SLITRK3: variants seen among roughly 807,000 people sequenced by gnomAD.
SLITRK3 encodes SLIT and NTRK like family member 3.
Under a neutral mutation model 63.6 loss-of-function variants are expected in SLITRK3, and 16 were observed. The ratio of observed to expected loss-of-function variants is 0.25; its 90% CI spans 0.17 to 0.38. SLITRK3 has a LOEUF of 0.38. Among genes scored for constraint, SLITRK3 ranks in the 10% least tolerant of loss-of-function variants. SLITRK3 has a pLI of 1.00. For synonymous variants in SLITRK3, 547 were observed against 451.6 expected (o/e 1.21, Z -2.68); for missense variants, 1,117 against 1,181.4 (o/e 0.95, Z 0.80).
intron 1 of SLITRK3, 93 bp from the exon 2 acceptor site, chr3:165,190,944 A>T: frequency 1.1e-6 from 1 of 895,378 alleles, no homozygotes. Context: ...AGAGCTATAT[A>T]AAAACTTCAG....
chr3:165,188,887 C>T lies in SLITRK3; in HGVS notation c.1944G>A (p.Gly648=). 6.2e-7 allele frequency: 1 copy of T among 1,614,114 alleles called. No homozygotes were observed. The change falls in exon 2 of 2, where the codon GGG becomes GGA. Residue 648 remains glycine (G), a synonymous_variant. Transcript: ENST00000475390. ...SASPYEFSPP[G]GPVPLSVLIL... ...TTAACACAGAAAGTGGCACAGGGCCCCCAGGAGGAGAAAACTCATAAGGTG... is the reference window on the plus strand; with the variant it reads ...TTAACACAGAAAGTGGCACAGGGCCTCCAGGAGGAGAAAACTCATAAGGTG...
Position 165,190,464 on chromosome 3 carries a change from C to G in SLITRK3, c.367G>C (p.Gly123Arg). The change falls in exon 2 of 2, where the codon GGT becomes CGT. Residue 123 changes from glycine to arginine, a missense_variant. Physicochemically the swap from Gly to Arg is moderately radical, Grantham distance 125 (BLOSUM62 -2). Around this residue, in one of 4 missense-constraint regions of SLITRK3, gnomAD observed 452 missense variants for 495.3 expected, o/e 0.91. Coordinates refer to ENST00000475390, the MANE Select transcript of SLITRK3 (RefSeq NM_001318810.2). Reference protein sequence around the residue: ...LQDIQTGAFNGLKILKRLYLH... With the variant: ...LQDIQTGAFNRLKILKRLYLH... ...TATAGTCTCTTTAAAATCTTAAGACCATTGAAAGCTCCAGTCTGAATGTCC... is the reference window on the plus strand; with the variant it reads ...TATAGTCTCTTTAAAATCTTAAGACGATTGAAAGCTCCAGTCTGAATGTCC... The G allele has an allele frequency of 6.2e-7, 1 of 1,613,826 alleles. No individual in the cohort carries two copies. The highest frequency in any genetic ancestry group is 8.5e-7 in the Non-Finnish European group (1 of 1,179,968).
chr3:165,194,527 G>C (rs947945662), intron 1 of SLITRK3, among the ~76,000 whole-genome samples: 2 of 152,006 alleles, frequency 1.3e-5, no homozygotes, highest in African/African-American at 4.8e-5. Flanking sequence ...TGCTCCCATA[G>C]GTCTTAGCCA....
Position 165,190,393 on chromosome 3 carries a change from A to T in SLITRK3, c.438T>A (p.Leu146=). ...GCAGATATTCTAGACTTTCCAAGCC[A>T]AGGAAGGTGTCATTTCTGAAGACAT... The part of the protein sequence containing the change: ...KLDVFRNDTF[L]GLESLEYLQA... Residue 146 remains leucine (L), a synonymous_variant, in exon 2 of 2, where the codon CTT becomes CTA. Transcript: ENST00000475390. The T allele has an allele frequency of 6.2e-7, 1 of 1,614,068 alleles. No homozygotes were observed. The highest frequency in any genetic ancestry group is 8.5e-7 in the Non-Finnish European group (1 of 1,179,988).
At chr3:165,194,518 G>T (rs1405155024) in intron 1 of SLITRK3, among the ~76,000 whole-genome samples, 1 of 152,056 alleles carries the variant, frequency 6.6e-6, no homozygotes, top group Non-Finnish European at 1.5e-5. Context: ...TCACCCTATT[G>T]CTCCCATAGG....
chr3:165,188,189 C>T lies in SLITRK3; in HGVS notation c.2642G>A (p.Gly881Asp), dbSNP rs1718032297. Residue 881 changes from glycine to aspartate, a missense_variant, in exon 2 of 2, where the codon GGC becomes GAC. By Grantham distance (94) the Gly-to-Asp change is moderately conservative. Around this residue, in one of 4 missense-constraint regions of SLITRK3, gnomAD observed 499 missense variants for 463.6 expected, o/e 1.08. Transcript: ENST00000475390. The part of the protein sequence containing the change: ...LFPPGGGCGS[G>D]SMLLDRERPQ... ...CCTCTCTCGATCTAGTAGCATACTG[C>T]CACTACCACAGCCTCCCCCAGGAGG... 5.0e-6 allele frequency: 8 copies of T among 1,613,756 alleles called. No homozygotes were observed. The highest frequency in any genetic ancestry group is 1.7e-5 in the Admixed American group (1 of 59,968).
rs966852870 is a variant in SLITRK3 at position 165,187,050 on chromosome 3, C to T, written c.*847G>A. ...GTCTTCGGCTGTTAAACCACCAGGC[C>T]TCTACTTCAGTAGAATCCAGCCTAG... On this transcript the variant is annotated 3_prime_UTR_variant, in exon 2 of 2. Coordinates refer to ENST00000475390, the MANE Select transcript of SLITRK3 (RefSeq NM_001318810.2). 6.6e-6 allele frequency: 1 copy of T among 152,480 alleles called. No individual in the cohort carries two copies. The highest frequency in any genetic ancestry group is 6.5e-5 in the Admixed American group (1 of 15,268). 9.4% of individuals were successfully genotyped at this position (152,480 alleles called of 1,614,324 possible). A position where few individuals can be genotyped will look rare whatever the true frequency, so the allele number is the denominator to read the frequency against.
In SLITRK3 at chr3:165,188,657, G is replaced by T. The variant is rs752652501; in HGVS notation, c.2174C>A (p.Pro725Gln). Reference protein sequence around the residue: ...GGGGSGGGGRPTLSSPEKAPP... With the variant: ...GGGGSGGGGRQTLSSPEKAPP... The stretch of plus-strand genomic sequence containing the variant: ...GGCCTTCTCTGGAGAGGAAAGAGTT[G>T]GTCGACCACCACCCCCACTTCCGCC... Residue 725 changes from proline to glutamine, a missense_variant, in exon 2 of 2, where the codon CCA (proline) becomes CAA (glutamine). Pro to Gln is a moderately conservative substitution (Grantham distance 76). Transcript: ENST00000475390. 2 of 1,613,564 alleles carry T rather than the reference G, an allele frequency of 1.2e-6. No individual in the cohort carries two copies. The highest frequency in any genetic ancestry group is 2.2e-5 in the South Asian group (2 of 91,004).
At position 165,188,982 on chromosome 3, in the gene SLITRK3, C is replaced by G; in HGVS notation, c.1849G>C (p.Val617Leu). Residue 617 changes from valine to leucine, a missense_variant, in exon 2 of 2, where the codon GTT becomes CTT. Transcript: ENST00000475390. Reference protein sequence around the residue: ...LEVLCPEMLHVAPAGESPAQP... With the variant: ...LEVLCPEMLHLAPAGESPAQP... ...GCTGGGGATTCTCCAGCTGGTGCAA[C>G]GTGCAGCATCTCTGGGCAAAGAACT... 6.2e-7 allele frequency: 1 copy of G among 1,614,180 alleles called. No homozygotes were observed. The highest frequency in any genetic ancestry group is 1.1e-5 in the South Asian group (1 of 91,084).
In SLITRK3 at chr3:165,188,285, A is replaced by C. The variant is rs188947707; in HGVS notation, c.2546T>G (p.Val849Gly). 1.9e-6 allele frequency: 3 copies of C among 1,613,250 alleles called. No individual in the cohort carries two copies. The highest frequency in any genetic ancestry group is 4.5e-5 in the East Asian group (2 of 44,806). ...HHPAVGGVSG[V>G]VGGTGGDLAG... ...CAAGTCTCCCCCAGTTCCCCCAACT[A>C]CTCCTGAAACCCCACCAACTGCTGG... The change falls in exon 2 of 2, where the codon GTA (valine) becomes GGA (glycine). Residue 849 changes from valine (V) to glycine (G), a missense_variant. This residue lies in a region of SLITRK3 where 499 missense variants were observed against 463.6 expected (regional missense o/e 1.08). Coordinates refer to ENST00000475390, the MANE Select transcript of SLITRK3 (RefSeq NM_001318810.2).
rs1718411215 is a variant in SLITRK3 at position 165,196,239 on chromosome 3, C to T, written c.-681G>A. On this transcript the variant is annotated 5_prime_UTR_variant, in exon 1 of 2. Coordinates refer to ENST00000475390, the MANE Select transcript of SLITRK3 (RefSeq NM_001318810.2). ...ATCTCAGATCCCAGCATTGGTCAGA[C>T]GGCGAAGGTGGGGGGAAAGAAGGAG... Among the ~76,000 whole-genome samples, 1 of 146,214 alleles carries T rather than the reference C, an allele frequency of 6.8e-6. No individual in the cohort carries two copies. The highest frequency in any genetic ancestry group is 2.6e-5 in the African/African-American group (1 of 39,014).
chr3:165,195,974 C>T lies in SLITRK3; in HGVS notation c.-416G>A, dbSNP rs997273219. 2.0e-5 allele frequency: 3 copies of T among 152,620 alleles called. No individual in the cohort carries two copies. Among genetic ancestry groups the T allele is most frequent in the Non-Finnish European group, 4.4e-5 (3 of 68,088 alleles). 9.5% of individuals were successfully genotyped at this position (152,620 alleles called of 1,614,324 possible). A position where few individuals can be genotyped will look rare whatever the true frequency, so the allele number is the denominator to read the frequency against. On this transcript the variant is annotated 5_prime_UTR_variant, in exon 1 of 2. Transcript: ENST00000475390. ...GGATCAGTGGAGAGCTTCGTTGTTC[C>T]CGAGAGCCTGAGCTCAGTCTCTGGA...
At chr3:165,192,847 GCCGCCGC>G (rs1718284339) in intron 1 of SLITRK3, among the ~76,000 whole-genome samples, 1 of 152,158 alleles carries the variant, frequency 6.6e-6, no homozygotes, top group African/African-American at 2.4e-5. Context: ...CCCTGCCGCT[GCCGCCGC>G]GGTGGCTGCT....
rs1458628907 is a variant in SLITRK3 at position 165,196,378 on chromosome 3, G to A, written c.-820C>T. 7.0e-6 allele frequency among the ~76,000 whole-genome samples: 1 copy of A among 143,554 alleles called. No homozygotes were observed. Among genetic ancestry groups the A allele is most frequent in the African/African-American group, 2.6e-5 (1 of 39,090 alleles). 94.2% of individuals were successfully genotyped at this position (143,554 alleles called of 152,430 possible). A position where few individuals can be genotyped will look rare whatever the true frequency, so the allele number is the denominator to read the frequency against. On this transcript the variant is annotated 5_prime_UTR_variant, in exon 1 of 2. Transcript: ENST00000475390. The stretch of plus-strand genomic sequence containing the variant: ...AAGCGATACCGTTGGCAGAGAGTGA[G>A]TCCTCTGACCGCTCACCATTCAAGC...
chr3:165,196,494 G>C (rs1009899157), upstream of SLITRK3: 1 of 154,514 alleles, frequency 6.5e-6, no homozygotes, highest in African/African-American at 2.4e-5. Flanking sequence ...AGACGCTCGC[G>C]GCGGCGGCGG....
Position 165,188,265 on chromosome 3 carries a change from C to T in SLITRK3, c.2566G>A (p.Asp856Asn), listed in dbSNP as rs1718037118. 1 of 1,613,784 alleles carries T rather than the reference C, an allele frequency of 6.2e-7. No homozygotes were observed. The highest frequency in any genetic ancestry group is 2.2e-5 in the East Asian group (1 of 44,836). ...TCATGGTGGCGGAACCCTGCCAAGT[C>T]TCCCCCAGTTCCCCCAACTACTCCT... ...VSGVVGGTGGDLAGFRHHEKN... is the reference protein window; with the variant it reads ...VSGVVGGTGGNLAGFRHHEKN... The change falls in exon 2 of 2, where the codon GAC becomes AAC. Residue 856 changes from aspartate (D) to asparagine (N), a missense_variant. Around this residue, in one of 4 missense-constraint regions of SLITRK3, gnomAD observed 499 missense variants for 463.6 expected, o/e 1.08. Coordinates refer to ENST00000475390, the MANE Select transcript of SLITRK3 (RefSeq NM_001318810.2).
chr3:165,189,614 C>T lies in SLITRK3; in HGVS notation c.1217G>A (p.Arg406Lys). 6.2e-7 allele frequency: 1 copy of T among 1,614,120 alleles called. No homozygotes were observed. Among genetic ancestry groups the T allele is most frequent in the Non-Finnish European group, 8.5e-7 (1 of 1,180,038 alleles). The change falls in exon 2 of 2, where the codon AGG (arginine) becomes AAG (lysine). Residue 406 changes from arginine (R) to lysine (K), a missense_variant. Arg to Lys is a conservative substitution (Grantham distance 26). Around this residue, in one of 4 missense-constraint regions of SLITRK3, gnomAD observed 452 missense variants for 495.3 expected, o/e 0.91. Transcript: ENST00000475390. This position sits in a 1 kb window ranked among gnomAD's most constrained non-coding sequence, Gnocchi z 4.0. ...ATACAGTTTCTTGGCATTCAAGGGC[C>T]TTGGAAGAAGTTCAGAAATGTTATT... ...GFNNISELLPRPLNAKKLYLS... is the reference protein window; with the variant it reads ...GFNNISELLPKPLNAKKLYLS...
chr3:165,189,708 T>A lies in SLITRK3; in HGVS notation c.1123A>T (p.Thr375Ser). 6.2e-7 allele frequency: 1 copy of A among 1,614,080 alleles called. No homozygotes were observed. The highest frequency in any genetic ancestry group is 2.2e-5 in the East Asian group (1 of 44,876). ...TRPPIPIICP[T>S]GCTCNLHIND... ...ATGTGCAAATTACAGGTACACCCAG[T>A]GGGGCATATAATGGGGATTGGTGGT... Residue 375 changes from threonine (T) to serine (S), a missense_variant, in exon 2 of 2, where the codon ACT (threonine) becomes TCT (serine). Thr to Ser is a moderately conservative substitution (Grantham distance 58, BLOSUM62 1). Around this residue, in one of 4 missense-constraint regions of SLITRK3, gnomAD observed 452 missense variants for 495.3 expected, o/e 0.91. Transcript: ENST00000475390. The surrounding 1 kb of genome is among the most constrained non-coding windows in gnomAD (Gnocchi z 4.0).
chr3:165,193,777 G>A (rs1440785009), intron 1 of SLITRK3, among the ~76,000 whole-genome samples: 1 of 152,032 alleles, frequency 6.6e-6, no homozygotes, highest in East Asian at 1.9e-4. Context: ...CGCGGGATTG[G>A]GGTGGATTTA....
Sources: gnomAD v4.1 joint callset for allele counts (sites outside exome capture counted in the v4.1 genomes callset) on GRCh38, gnomAD v4.1.1 for gene constraint, gnomAD v4.1.1 regional missense constraint, Gnocchi (gnomAD v3.1) non-coding constraint, MANE v1.5 for transcripts, NCBI Gene and HGNC (gene_info 2026-07-23, HGNC 2026-07-21) for gene names.